The following LRP5 variants were observed in gnomAD, a reference collection of about 807,000 sequenced individuals.
The protein encoded by LRP5 is low-density lipoprotein receptor-related protein 5.
A neutral mutation model predicts 154.1 loss-of-function variants in LRP5; 62 were observed. The observed-to-expected ratio is 0.40, with a 90% CI of 0.33 to 0.50. LRP5 has a LOEUF of 0.50. LRP5 is among the 20% of genes least tolerant of loss of function. The pLI is 0.55. For synonymous variants in LRP5, 966 were observed against 1,011.5 expected, an observed-to-expected ratio of 0.96 and a Z score of 0.85; for missense variants, 1,915 against 2,336.7, an observed-to-expected ratio of 0.82 and a Z score of 3.72.
At chr11:68,436,476 G>C (rs957533790) in intron 18 of LRP5, among the ~76,000 whole-genome samples, 11 of 152,176 alleles carry the variant, frequency 7.2e-5, no homozygotes, top group Non-Finnish European at 1.5e-4. Flanking sequence ...CTCAAGCTCT[G>C]CTGAGCACCA....
At chr11:68,380,506 G>A (rs1032284591) in intron 5 of LRP5, among the ~76,000 whole-genome samples, 3 of 152,208 alleles carry the variant, frequency 2.0e-5, no homozygotes, top group South Asian at 2.1e-4. Flanking sequence ...GATAGGACCC[G>A]TCCGACGATA....
chr11:68,321,220 A>C (rs572601789), intron 1 of LRP5, among the ~76,000 whole-genome samples: 1 of 152,056 alleles, frequency 6.6e-6, no homozygotes, highest in Admixed American at 6.5e-5. Context: ...CTGATTCCAG[A>C]CCCTTCACTG....
At chr11:68,334,094 CGTG>C (rs2098604354) in intron 1 of LRP5, among the ~76,000 whole-genome samples, 1 of 152,096 alleles carries the variant, frequency 6.6e-6, no homozygotes, top group South Asian at 2.1e-4. Context: ...ATTAGCTGGG[CGTG>C]GTGGTGGGCA....
intron 13 of LRP5, among the ~76,000 whole-genome samples, chr11:68,422,355 C>CT (rs34142816): frequency 0.13 from 19,169 of 152,226 alleles, 1,957 homozygotes; most frequent in African/African-American, 0.28. Context: ...GGGAGGGGAG[C>CT]TTTTCCTTCA....
intron 5 of LRP5, among the ~76,000 whole-genome samples, chr11:68,372,918 C>T (rs758486209): frequency 6.6e-6 from 1 of 152,068 alleles, no homozygotes; most frequent in African/African-American, 2.4e-5. Flanking sequence ...GGGGGCAGGG[C>T]CTGGCTGTGT....
intron 1 of LRP5, among the ~76,000 whole-genome samples, chr11:68,332,661 G>A (rs959292651): frequency 6.6e-6 from 1 of 152,264 alleles, no homozygotes; most frequent in Non-Finnish European, 1.5e-5. Context: ...GAGGTGGTCA[G>A]GGTGGAGTCT....
chr11:68,346,280 C>A (rs550086817), intron 1 of LRP5, among the ~76,000 whole-genome samples: 1 of 152,216 alleles, frequency 6.6e-6, no homozygotes, highest in Non-Finnish European at 1.5e-5. Context: ...GATGACAGCA[C>A]GGGTGGGGCG....
Position 68,312,784 on chromosome 11 carries a change from G to C in LRP5, c.70G>C (p.Gly24Arg). 9.2e-7 allele frequency: 1 copy of C among 1,083,356 alleles called. No homozygotes were observed. The allele number at this position is 1,083,356 out of a possible 1,614,324, so 67.1% of individuals were successfully genotyped here. ...LLLLLLLALC[G>R]CPAPAAASPL... ...GCTGCTGCTGCTGCTGGCGCTGTGCGGCTGCCCGGCCCCCGCCGCGGGTAG... is the reference window on the plus strand; with the variant it reads ...GCTGCTGCTGCTGCTGGCGCTGTGCCGCTGCCCGGCCCCCGCCGCGGGTAG... The change falls in exon 1 of 23, where the codon GGC becomes CGC. Residue 24 changes from glycine to arginine, a missense_variant. Physicochemically the swap from Gly to Arg is moderately radical, Grantham distance 125. Transcript: ENST00000294304.
intron 1 of LRP5, among the ~76,000 whole-genome samples, chr11:68,341,653 C>T (rs545697286): frequency 6.6e-6 from 1 of 152,084 alleles, no homozygotes; most frequent in African/African-American, 2.4e-5. Context: ...GCCATGCTAC[C>T]CCCACACTCT....
the LRP5 span, among the ~76,000 whole-genome samples, chr11:68,299,589 T>C: frequency 6.7e-6 from 1 of 148,194 alleles, no homozygotes; most frequent in African/African-American, 2.5e-5. Context: ...GCCAGTCTTT[T>C]TTTTTTTTTT....
rs1258899642 is a variant in LRP5, at chr11:68,391,758, A to G, written c.1584+1706A>G. Among the ~76,000 whole-genome samples, 6 of 152,350 alleles carry G rather than the reference A, an allele frequency of 3.9e-5. No homozygotes were observed. The East Asian group carries it at 7.7e-4, about 20-fold the overall frequency. On this transcript the variant is annotated intron_variant, in intron 7 of 22. Coordinates refer to ENST00000294304, the MANE Select transcript of LRP5 (RefSeq NM_002335.4). ...CGCTGAGGATGATTTGCCTTCACGC[A>G]TCCCCGCTACCCGTGGGAGCAGGTC...
chr11:68,400,067 G>A (rs974482112), intron 7 of LRP5, among the ~76,000 whole-genome samples: 2 of 152,128 alleles, frequency 1.3e-5, no homozygotes, highest in African/African-American at 4.8e-5. Context: ...GTCTCTGTGG[G>A]AGGCTCTGCC....
intron 2 of LRP5, among the ~76,000 whole-genome samples, chr11:68,352,164 A>T (rs1371786537): frequency 6.6e-6 from 1 of 152,200 alleles, no homozygotes; most frequent in Non-Finnish European, 1.5e-5. Flanking sequence ...GATCCTGGCG[A>T]CAGAAAGCAG....
Position 68,406,700 on chromosome 11 carries a change from C to T in LRP5, c.1978C>T (p.Leu660Phe). The T allele has an allele frequency of 1.2e-6, 2 of 1,614,210 alleles. No individual in the cohort carries two copies. The highest frequency in any genetic ancestry group is 1.7e-6 in the Non-Finnish European group (2 of 1,180,040). Residue 660 changes from leucine to phenylalanine, a missense_variant, in exon 9 of 23, where the codon CTC (leucine) becomes TTC (phenylalanine). Physicochemically the swap from Leu to Phe is conservative, Grantham distance 22 (BLOSUM62 0). Transcript: ENST00000294304. The part of the protein sequence containing the change: ...TSRAAIHRIS[L>F]ETNNNDVAIP... ...CAGAGCCGCCATCCACAGGATCTCC[C>T]TCGAGACCAATAACAACGACGTGGC...
chr11:68,402,555 C>T (rs945326496), intron 7 of LRP5, among the ~76,000 whole-genome samples: 5 of 151,872 alleles, frequency 3.3e-5, no homozygotes, highest in African/African-American at 7.3e-5. Flanking sequence ...CAGGCCCTGC[C>T]GTTGCTCATA....
chr11:68,434,465 T>G (rs2098673797), intron 18 of LRP5, among the ~76,000 whole-genome samples: 1 of 152,020 alleles, frequency 6.6e-6, no homozygotes, highest in Non-Finnish European at 1.5e-5. Context: ...CTGCAACCTC[T>G]GCCTCCAGGG....
intron 1 of LRP5, among the ~76,000 whole-genome samples, chr11:68,329,301 A>G (rs915210993): frequency 6.6e-6 from 1 of 152,180 alleles, no homozygotes; most frequent in African/African-American, 2.4e-5. Context: ...GCTCTAAGAG[A>G]TGTTTGATTT....
intron 1 of LRP5, among the ~76,000 whole-genome samples, chr11:68,339,523 T>C (rs965455004): frequency 1.3e-5 from 2 of 152,030 alleles, no homozygotes; most frequent in African/African-American, 4.8e-5. Flanking sequence ...AATTTGTGTA[T>C]TTTTAGTAGA....
chr11:68,394,828 A>G (rs1053194902), intron 7 of LRP5, among the ~76,000 whole-genome samples: 2 of 152,184 alleles, frequency 1.3e-5, no homozygotes, highest in Admixed American at 6.5e-5. Context: ...CTGGGTTGCT[A>G]TAGGGAATAT....
Sources: gnomAD v4.1 joint callset for allele counts (sites outside exome capture counted in the v4.1 genomes callset) on GRCh38, gnomAD v4.1.1 for gene constraint, MANE v1.5 for transcripts, NCBI Gene and HGNC (gene_info 2026-07-23, HGNC 2026-07-21) for gene names.